CCNT2: variants seen among roughly 807,000 people sequenced by gnomAD.
CCNT2 encodes the protein cyclin T2.
In CCNT2, 18 loss-of-function variants were observed where a neutral mutation model predicts 70.0. The ratio of observed to expected loss-of-function variants is 0.26; its 90% CI spans 0.18 to 0.38. The LOEUF is 0.38. Ranked by LOEUF, CCNT2 falls within the 10% of genes least tolerant of loss-of-function variation. CCNT2 has a pLI of 1.00. For missense variants in CCNT2, 734 were observed against 890.2 expected (o/e 0.82, Z 2.23); for synonymous variants, 334 against 313.3 (o/e 1.07, Z -0.70).
At chr2:134,946,547 A>G (rs1189583820) in intron 6 of CCNT2, 1 of 313,836 alleles carries the variant, frequency 3.2e-6, no homozygotes, top group East Asian at 1.6e-4. Context: ...TCTTAACTTT[A>G]AAATACTCAT....
Position 134,949,839 on chromosome 2 carries a change from G to A in CCNT2, c.703+1940G>A, listed in dbSNP as rs368476822. Among the ~76,000 whole-genome samples the A allele has an allele frequency of 1.1e-4, 17 of 150,036 alleles. No individual in the cohort carries two copies. In the East Asian group the frequency reaches 2.9e-3, roughly 26 times the overall value. ...GGGGGACAGAGTCTCAGTCGCCCAGGCTATAGAGTGCGGTGGCGCAATCTC... is the reference window on the plus strand; with the variant it reads ...GGGGGACAGAGTCTCAGTCGCCCAGACTATAGAGTGCGGTGGCGCAATCTC... On this transcript the variant is annotated intron_variant, in intron 7 of 8. Coordinates refer to ENST00000264157, the MANE Select transcript of CCNT2 (RefSeq NM_058241.3).
chr2:134,944,566 C>G, intron 5 of CCNT2: 1 of 971,234 alleles, frequency 1.0e-6, no homozygotes, highest in Non-Finnish European at 1.2e-6. Flanking sequence ...ACAAAAACTA[C>G]AAATTTGATA....
chr2:134,951,722 G>A (rs1173036777), intron 7 of CCNT2, among the ~76,000 whole-genome samples: 2 of 152,264 alleles, frequency 1.3e-5, no homozygotes, highest in East Asian at 3.9e-4. Context: ...ATATTGCATA[G>A]TTCCCTGTAT....
intron 7 of CCNT2, 134 bp downstream of exon 7, chr2:134,948,033 A>G (rs921697558): frequency 3.5e-5 from 17 of 483,096 alleles, no homozygotes; most frequent in Non-Finnish European, 6.0e-5. Flanking sequence ...AAGAAAAAAA[A>G]ATAGAGTCTG....
intron 2 of CCNT2, among the ~76,000 whole-genome samples, chr2:134,929,694 G>T (rs1345094067): frequency 5.6e-5 from 8 of 141,716 alleles, no homozygotes; most frequent in African/African-American, 1.9e-4. Flanking sequence ...GTGTTACCCA[G>T]GCTGGAGTGC....
chr2:134,920,044 T>C lies in CCNT2; in HGVS notation c.240+153T>C, dbSNP rs922160496. 2.8e-5 allele frequency: 15 copies of C among 537,476 alleles called. No homozygotes were observed. In the Admixed American group the frequency reaches 5.2e-4, roughly 19 times the overall value. 33.3% of individuals were successfully genotyped at this position (537,476 alleles called of 1,614,324 possible). ...AATATTTTGCTTCAGATGCGGTGTT[T>C]TTGTGTTTTTAAAATTTATGATGAA... is the stretch of plus-strand genomic sequence containing the variant. On this transcript the variant is annotated intron_variant, in intron 2 of 8. Coordinates refer to ENST00000264157, the MANE Select transcript of CCNT2 (RefSeq NM_058241.3).
At position 134,954,619 on chromosome 2, in the gene CCNT2, C is replaced by T. The variant is rs770113338; in HGVS notation, c.2164C>T (p.Leu722=). Residue 722 remains leucine (L), a synonymous_variant, in exon 9 of 9, where the codon CTG becomes TTG. Coordinates refer to ENST00000264157, the MANE Select transcript of CCNT2 (RefSeq NM_058241.3). ...AGACACATTCGACATGCTGGACTCA[C>T]TGTTAAGTGCCCAAGGAATGAACAT... ...YKDTFDMLDS[L]LSAQGMNM is the part of the protein sequence containing the mutation. 1.9e-6 allele frequency: 3 copies of T among 1,608,088 alleles called. No individual in the cohort carries two copies. The highest frequency in any genetic ancestry group is 1.1e-5 in the South Asian group (1 of 90,970).
rs1045459607 is a variant in CCNT2 at position 134,954,006 on chromosome 2, C to T, written c.1551C>T (p.Ser517=). The T allele has an allele frequency of 1.2e-6, 2 of 1,613,970 alleles. No homozygotes were observed. The highest frequency in any genetic ancestry group is 1.7e-5 in the Admixed American group (1 of 60,002). Residue 517 remains serine (S), a synonymous_variant, in exon 9 of 9, where the codon AGC becomes AGT. Transcript: ENST00000264157. ...LRIPIPPTDK[S]ASKEELKMKI... is the part of the protein sequence containing the mutation. ...TTCCAATACCACCCACTGATAAAAG[C>T]GCCAGTAAAGAAGAACTGAAAATGA...
At chr2:134,938,509 G>A (rs1260856961) in intron 3 of CCNT2, among the ~76,000 whole-genome samples, 2 of 152,178 alleles carry the variant, frequency 1.3e-5, no homozygotes, top group Non-Finnish European at 2.9e-5. Context: ...ATTTTGGTAT[G>A]TTTGGTCATT....
At position 134,958,230 on chromosome 2, in the gene CCNT2, A is replaced by G. The variant is rs1683035204; in HGVS notation, c.*3582A>G. On this transcript the variant is annotated 3_prime_UTR_variant, in exon 9 of 9. Coordinates refer to ENST00000264157, the MANE Select transcript of CCNT2 (RefSeq NM_058241.3). ...AACGTCTTAGGAAAACCATTCTCTCAAGGTATTACACCATTTCCAATTTTA... is the reference window on the plus strand; with the variant it reads ...AACGTCTTAGGAAAACCATTCTCTCGAGGTATTACACCATTTCCAATTTTA... The G allele has an allele frequency of 6.6e-6, 1 of 152,220 alleles. No homozygotes were observed. Among genetic ancestry groups the G allele is most frequent in the Non-Finnish European group, 1.5e-5 (1 of 68,032 alleles). 9.4% of individuals were successfully genotyped at this position (152,220 alleles called of 1,614,324 possible).
chr2:134,944,136 C>T lies in CCNT2; in HGVS notation c.493+1462C>T, dbSNP rs945691755. 3 of 983,980 alleles carry T rather than the reference C, an allele frequency of 3.0e-6. No individual in the cohort carries two copies. The African/African-American group carries it at 5.3e-5, about 17-fold the overall frequency. 61.0% of individuals were successfully genotyped at this position (983,980 alleles called of 1,614,324 possible). On this transcript the variant is annotated intron_variant, in intron 5 of 8. Coordinates refer to ENST00000264157, the MANE Select transcript of CCNT2 (RefSeq NM_058241.3). Reference sequence around the variant, plus strand: ...AACATATTTAACTGTGGTTCCTGTTCTTCATGGTTATATCAGCGTGTTTTA... The same window carrying T: ...AACATATTTAACTGTGGTTCCTGTTTTTCATGGTTATATCAGCGTGTTTTA...
At chr2:134,953,108 A>T in intron 8 of CCNT2, 122 bp from the exon 9 acceptor site, 1 of 654,726 alleles carries the variant, frequency 1.5e-6, no homozygotes, top group South Asian at 2.6e-5. Context: ...CTTGAACCCC[A>T]GGTCATTTTA....
At chr2:134,952,230 T>G (rs570142176) in intron 7 of CCNT2, among the ~76,000 whole-genome samples, 1 of 152,246 alleles carries the variant, frequency 6.6e-6, no homozygotes, top group Admixed American at 6.5e-5. Context: ...ATTAATACAT[T>G]TCATGGGGAA....
chr2:134,941,378 T>C (rs1180093666), intron 4 of CCNT2, among the ~76,000 whole-genome samples: 1 of 152,222 alleles, frequency 6.6e-6, no homozygotes, highest in Non-Finnish European at 1.5e-5. Flanking sequence ...TACTGTGTTG[T>C]AAAAATACAG....
chr2:134,930,165 C>T (rs1233794125), intron 2 of CCNT2, among the ~76,000 whole-genome samples: 1 of 152,226 alleles, frequency 6.6e-6, no homozygotes, highest in Non-Finnish European at 1.5e-5. Flanking sequence ...CACTCCCCTT[C>T]CCAACCCTGG....
Position 134,940,754 on chromosome 2 carries a change from T to C in CCNT2, c.430+1692T>C, listed in dbSNP as rs1681523215. ...ATTTTTACCGTATTTAGTGCGATAC[T>C]GGAAACTTGGATTAATACCATGGGA... On this transcript the variant is annotated intron_variant, in intron 4 of 8. Transcript: ENST00000264157. Among the ~76,000 whole-genome samples the C allele has an allele frequency of 2.6e-5, 4 of 152,296 alleles. No individual in the cohort carries two copies. The South Asian group carries it at 8.3e-4, about 32-fold the overall frequency.
chr2:134,942,543 G>A (rs112879565), intron 4 of CCNT2, 69 bp from the exon 5 acceptor site: 6 of 1,042,320 alleles, frequency 5.8e-6, no homozygotes, highest in Non-Finnish European at 8.5e-6. Context: ...TATATTATAC[G>A]TTTATGGCAT....
chr2:134,925,589 A>G (rs1402283345), intron 2 of CCNT2, among the ~76,000 whole-genome samples: 1 of 152,030 alleles, frequency 6.6e-6, no homozygotes, highest in Non-Finnish European at 1.5e-5. Context: ...TGTTGTATTT[A>G]TTCAGTAGGT....
At chr2:134,942,363 C>T (rs1359086561) in intron 4 of CCNT2, among the ~76,000 whole-genome samples, 2 of 151,918 alleles carry the variant, frequency 1.3e-5, no homozygotes, top group East Asian at 1.9e-4. Context: ...TTAAGATAAT[C>T]CCGAATCATT....
Sources: gnomAD v4.1 joint callset for allele counts (sites outside exome capture counted in the v4.1 genomes callset) on GRCh38, gnomAD v4.1.1 for gene constraint, MANE v1.5 for transcripts, NCBI Gene and HGNC (gene_info 2026-07-23, HGNC 2026-07-21) for gene names.